Variants in PRKG1 observed in about 807,000 individuals in gnomAD.
The protein encoded by PRKG1 is protein kinase cGMP-dependent 1.
Under a neutral mutation model 88.1 loss-of-function variants are expected in PRKG1, and 35 were observed. That is an observed-to-expected ratio of 0.40 (90% CI 0.30 to 0.53). The LOEUF is 0.53. Ranked by LOEUF, PRKG1 falls within the 20% of genes least tolerant of loss-of-function variation. The pLI, the probability that PRKG1 is intolerant of heterozygous loss-of-function variation, is 0.59. For synonymous variants in PRKG1, 303 were observed against 292.5 expected (o/e 1.04, Z -0.37); for missense variants, 540 against 839.8 (o/e 0.64, Z 4.41).
At chr10:51,651,120 C>T (rs1354520860) in intron 3 of PRKG1, among the ~76,000 whole-genome samples, 2 of 152,184 alleles carry the variant, frequency 1.3e-5, no homozygotes, top group African/African-American at 4.8e-5. Context: ...AAGAATCAAA[C>T]ACCTCAGAAT....
At chr10:51,980,844 C>A (rs2447648) in intron 5 of PRKG1, among the ~76,000 whole-genome samples, 48,195 of 151,902 alleles carry the variant, frequency 0.32, 8,174 homozygotes, top group Admixed American at 0.39. Flanking sequence ...CTAGATTTTT[C>A]TCCATCCCTT....
intron 3 of PRKG1, among the ~76,000 whole-genome samples, chr10:51,654,361 C>T (rs993029286): frequency 3.3e-5 from 5 of 152,084 alleles, no homozygotes; most frequent in Admixed American, 2.0e-4. Context: ...GTTCTGAGCT[C>T]TCGATTCTAT....
At chr10:51,436,824 A>C (rs1464736439) in intron 2 of PRKG1, among the ~76,000 whole-genome samples, 1 of 152,028 alleles carries the variant, frequency 6.6e-6, no homozygotes, top group East Asian at 1.9e-4. Flanking sequence ...AGACTATTCA[A>C]TCATCACTAG....
At chr10:51,908,734 A>ATATATATATATATTTTTTTTT (rs563212069) in intron 5 of PRKG1, 1 of 52,222 alleles carries the variant, frequency 1.9e-5, no homozygotes, top group Non-Finnish European at 4.8e-5. Context: ...TCTATATGTA[A>ATATATATATATATTTTTTTTT]TTTTTTTTTT....
At chr10:52,105,586 AC>A (rs1847398944) in intron 7 of PRKG1, among the ~76,000 whole-genome samples, 1 of 151,382 alleles carries the variant, frequency 6.6e-6, no homozygotes, top group Non-Finnish European at 1.5e-5. Flanking sequence ...GTGAACTTGC[AC>A]TTTTATTTAT....
chr10:51,898,929 A>G (rs901619465), intron 4 of PRKG1, among the ~76,000 whole-genome samples: 8 of 152,220 alleles, frequency 5.3e-5, no homozygotes, highest in African/African-American at 1.9e-4. Flanking sequence ...ATAAGAATAT[A>G]TTTACAAAAC....
chr10:51,494,469 T>C (rs1477223655), intron 3 of PRKG1, among the ~76,000 whole-genome samples: 1 of 152,162 alleles, frequency 6.6e-6, no homozygotes, highest in African/African-American at 2.4e-5. Context: ...AGTAGGGAAG[T>C]TTTAGGAAAA....
chr10:51,630,992 A>G (rs972577624), intron 3 of PRKG1, among the ~76,000 whole-genome samples: 2 of 152,172 alleles, frequency 1.3e-5, no homozygotes, highest in African/African-American at 2.4e-5. Context: ...CTTTTAATTC[A>G]GCATGCTTGG....
Position 51,153,248 on chromosome 10 carries a change from T to C in PRKG1, c.396T>C (p.Asp132=). The C allele has an allele frequency of 6.2e-7, 1 of 1,612,594 alleles. No individual in the cohort carries two copies. Among genetic ancestry groups the C allele is most frequent in the Non-Finnish European group, 8.5e-7 (1 of 1,179,006 alleles). The change falls in exon 2 of 18, where the codon GAT becomes GAC. Residue 132 remains aspartate, a synonymous_variant. Transcript: ENST00000373980. ...TGTCGCAGATCCAGGAGATTGTGGA[T>C]TGTATGTACCCGGTGGAGTATGGCA... The part of the protein sequence containing the change: ...LELSQIQEIV[D]CMYPVEYGKD...
intron 5 of PRKG1, 23 bp downstream of exon 5, chr10:51,907,593 C>A: frequency 6.2e-7 from 1 of 1,600,456 alleles, no homozygotes; most frequent in South Asian, 1.1e-5. Context: ...AGCCTTTGAA[C>A]TTTTTGAGAT....
chr10:51,130,400 C>T (rs1173815558), intron 1 of PRKG1, among the ~76,000 whole-genome samples: 6 of 152,132 alleles, frequency 3.9e-5, no homozygotes, highest in African/African-American at 1.4e-4. Context: ...TAAAGAGAAA[C>T]TTCCCTAGCA....
chr10:51,991,529 C>T (rs189461463), intron 5 of PRKG1, among the ~76,000 whole-genome samples: 19 of 152,110 alleles, frequency 1.2e-4, no homozygotes, highest in Non-Finnish European at 2.4e-4. Context: ...ATCCCTCCCC[C>T]ACTCCCCCAG....
intron 1 of PRKG1, among the ~76,000 whole-genome samples, chr10:51,116,631 A>T (rs149114575): frequency 5.9e-5 from 9 of 152,322 alleles, no homozygotes; most frequent in Non-Finnish European, 7.3e-5. Flanking sequence ...TTGAATTCTG[A>T]GCTAGATTTG....
intron 2 of PRKG1, among the ~76,000 whole-genome samples, chr10:51,354,181 G>A (rs1471809358): frequency 8.3e-6 from 1 of 120,054 alleles, no homozygotes; most frequent in African/African-American, 3.5e-5. Flanking sequence ...GCAGAGAGGT[G>A]GGGACGGTTA....
chr10:51,917,228 A>C (rs1842361684), intron 5 of PRKG1, among the ~76,000 whole-genome samples: 1 of 151,616 alleles, frequency 6.6e-6, no homozygotes, highest in Admixed American at 6.6e-5. Context: ...CTGAGGGAAG[A>C]GAATTGCTTG....
In PRKG1 at chr10:51,406,156, G is replaced by A. The variant is rs571842954; in HGVS notation, c.479-61567G>A. On this transcript the variant is annotated intron_variant, in intron 2 of 17. Coordinates refer to ENST00000373980, the MANE Select transcript of PRKG1 (RefSeq NM_006258.4). ...CCCTGGTGGATAAGCACAGCAGCCCGCAGCCACTCCAGCCCCACTGCCTGC... is the reference window on the plus strand; with the variant it reads ...CCCTGGTGGATAAGCACAGCAGCCCACAGCCACTCCAGCCCCACTGCCTGC... Among the ~76,000 whole-genome samples, 14 of 152,150 alleles carry A rather than the reference G, an allele frequency of 9.2e-5. No individual in the cohort carries two copies. In the East Asian group the frequency reaches 1.5e-3, roughly 17 times the overall value.
At chr10:51,170,132 T>C (rs562189644) in intron 2 of PRKG1, among the ~76,000 whole-genome samples, 30 of 152,136 alleles carry the variant, frequency 2.0e-4, no homozygotes, top group Middle Eastern at 3.4e-3. Context: ...ACTGGTCAGA[T>C]TGGGTTTTGT....
intron 1 of PRKG1, among the ~76,000 whole-genome samples, chr10:51,121,207 C>A (rs1376184160): frequency 6.6e-6 from 1 of 152,154 alleles, no homozygotes; most frequent in Non-Finnish European, 1.5e-5. Context: ...TCATACTCTT[C>A]ATTACATCTG....
chr10:51,909,676 C>G (rs1226139980), intron 5 of PRKG1: 1 of 152,126 alleles, frequency 6.6e-6, no homozygotes, highest in Non-Finnish European at 1.5e-5. Context: ...CACATTTCTA[C>G]TTTAAGAGAC....
Sources: gnomAD v4.1 joint callset for allele counts (sites outside exome capture counted in the v4.1 genomes callset) on GRCh38, gnomAD v4.1.1 for gene constraint, MANE v1.5 for transcripts, NCBI Gene and HGNC (gene_info 2026-07-23, HGNC 2026-07-21) for gene names.